The following CPEB3 variants were observed in gnomAD, a reference collection of about 807,000 sequenced individuals.
The protein encoded by CPEB3 is cytoplasmic polyadenylation element-binding protein 3.
CPEB3 carries 20 observed loss-of-function variants against 67.2 expected under a neutral mutation model. The ratio of observed to expected loss-of-function variants is 0.30; its 90% CI spans 0.21 to 0.43. The LOEUF is 0.43. Ranked by LOEUF, CPEB3 falls within the 20% of genes least tolerant of loss-of-function variation. The pLI, the probability that CPEB3 is intolerant of heterozygous loss-of-function variation, is 1.00. For synonymous variants in CPEB3, 376 were observed against 393.1 expected, an observed-to-expected ratio of 0.96 and a Z score of 0.51; for missense variants, 746 against 968.6, an observed-to-expected ratio of 0.77 and a Z score of 3.05.
chr10:92,240,416 T>G, intron 1 of CPEB3, 55 bp from the exon 2 acceptor site: 1 of 1,390,604 alleles, frequency 7.2e-7, no homozygotes, highest in Non-Finnish European at 9.4e-7. Context: ...TGAATGTCCC[T>G]CGCTGAAGCG....
At position 92,289,718 on chromosome 10, in the gene CPEB3, C is replaced by CAAAAAA. The variant is rs749285662; in HGVS notation, c.-12+1202_-12+1207dup. Reference sequence around the variant, plus strand: ...CAACATGGCGAGACCGCGTCTCTACCAAAAAAAAAAAAAAATATATATATA... The same window carrying CAAAAAA: ...CAACATGGCGAGACCGCGTCTCTACCAAAAAAAAAAAAAAAAAAAAATATATATATA... On this transcript the variant is annotated intron_variant, in intron 1 of 9. Transcript: ENST00000265997. Among the ~76,000 whole-genome samples the CAAAAAA allele has an allele frequency of 9.4e-4, 29 of 30,944 alleles. 2 individuals are homozygous for CAAAAAA. The highest frequency in any genetic ancestry group is 5.2e-3 in the African/African-American group (13 of 2,494). 20.3% of individuals were successfully genotyped at this position (30,944 alleles called of 152,430 possible).
intron 2 of CPEB3, among the ~76,000 whole-genome samples, chr10:92,221,855 G>C (rs1377290567): frequency 6.6e-6 from 1 of 151,976 alleles, no homozygotes; most frequent in African/African-American, 2.4e-5. Context: ...TTGATTGAAG[G>C]GTGTGTGTTT....
intron 2 of CPEB3, among the ~76,000 whole-genome samples, chr10:92,228,591 T>C (rs1851100471): frequency 1.3e-5 from 2 of 152,114 alleles, no homozygotes; most frequent in African/African-American, 4.8e-5. Context: ...CCCTACCGCA[T>C]CTTTAAGGTA....
At chr10:92,259,741 T>G (rs539675620) in intron 1 of CPEB3, among the ~76,000 whole-genome samples, 1 of 152,220 alleles carries the variant, frequency 6.6e-6, no homozygotes, top group South Asian at 2.1e-4. Context: ...CTGCAACTTA[T>G]CTTTTTTTCT....
At chr10:92,287,431 G>C (rs1178625250) in intron 1 of CPEB3, among the ~76,000 whole-genome samples, 1 of 152,144 alleles carries the variant, frequency 6.6e-6, no homozygotes, top group African/African-American at 2.4e-5. Flanking sequence ...ATTGGAAAAT[G>C]TAAGACCACA....
chr10:92,280,160 T>C (rs1044444173), intron 1 of CPEB3, among the ~76,000 whole-genome samples: 9 of 151,380 alleles, frequency 5.9e-5, no homozygotes, highest in Non-Finnish European at 1.0e-4. Context: ...CTGGCCAACA[T>C]GATGAAACCC....
chr10:92,085,994 C>G (rs1294502747), intron 8 of CPEB3, among the ~76,000 whole-genome samples: 1 of 152,082 alleles, frequency 6.6e-6, no homozygotes, highest in African/African-American at 2.4e-5. Context: ...CATGGGTTCA[C>G]CTTAGGGCCC....
chr10:92,216,917 T>G, intron 2 of CPEB3: 1 of 807,120 alleles, frequency 1.2e-6, no homozygotes, highest in Non-Finnish European at 2.1e-6. Context: ...CACGCCTTCT[T>G]ACCAGGCAGC....
chr10:92,258,283 A>G (rs549606050), intron 1 of CPEB3, among the ~76,000 whole-genome samples: 9 of 150,872 alleles, frequency 6.0e-5, no homozygotes, highest in African/African-American at 2.2e-4. Context: ...TATTTTTAGT[A>G]GAGACAGGAT....
rs1225484295 is a variant in CPEB3 at position 92,239,733 on chromosome 10, G to C, written c.618C>G (p.Ala206=). The change falls in exon 2 of 10, where the codon GCC becomes GCG. Residue 206 remains alanine, a synonymous_variant. Transcript: ENST00000265997. The surrounding 1 kb of genome is among the most constrained non-coding windows in gnomAD (Gnocchi z 6.0). ...TGGGCTGGTGGCCGTACGCCGCGGC[G>C]GCGCTCCTCTGCGCGTAGGGCGCCT... ...PSQAPYAQRS[A]AAAYGHQPIM... The C allele has an allele frequency of 1.1e-5, 17 of 1,522,622 alleles. No individual in the cohort carries two copies. The Admixed American group carries it at 3.5e-4, about 31-fold the overall frequency. 94.3% of individuals were successfully genotyped at this position (1,522,622 alleles called of 1,614,324 possible).
At chr10:92,227,062 C>T (rs1308798083) in intron 2 of CPEB3, among the ~76,000 whole-genome samples, 1 of 152,130 alleles carries the variant, frequency 6.6e-6, no homozygotes, top group Non-Finnish European at 1.5e-5. Flanking sequence ...GGCACTTTGT[C>T]CTATTTTTAT....
intron 4 of CPEB3, among the ~76,000 whole-genome samples, chr10:92,175,353 G>A (rs1158739096): frequency 6.6e-6 from 1 of 151,784 alleles, no homozygotes; most frequent in Non-Finnish European, 1.5e-5. Context: ...GTATTCCATT[G>A]TATGGATGTA....
chr10:92,141,741 G>A (rs1330911663), intron 6 of CPEB3, among the ~76,000 whole-genome samples: 31 of 150,428 alleles, frequency 2.1e-4, no homozygotes, highest in Middle Eastern at 3.5e-3. Context: ...AAAAAAGGCC[G>A]GGCATGGTGG....
At chr10:92,183,808 AG>A (rs1380111340) in intron 3 of CPEB3, among the ~76,000 whole-genome samples, 2 of 152,216 alleles carry the variant, frequency 1.3e-5, no homozygotes, top group Admixed American at 6.5e-5. Context: ...ATAATAATAA[AG>A]GGTTATCAAG....
At chr10:92,116,079 A>G (rs1016891203) in intron 6 of CPEB3, among the ~76,000 whole-genome samples, 6 of 151,096 alleles carry the variant, frequency 4.0e-5, no homozygotes, top group African/African-American at 7.3e-5. Flanking sequence ...AACTTAGGAG[A>G]GTAGGAGTAG....
Position 92,232,757 on chromosome 10 carries a change from C to CAA in CPEB3, c.1005+6587_1005+6588dup, listed in dbSNP as rs370945253. Among the ~76,000 whole-genome samples the CAA allele has an allele frequency of 3.5e-3, 423 of 122,050 alleles. 2 individuals carry two copies. The highest frequency in any genetic ancestry group is 0.011 in the African/African-American group (374 of 32,550). 80.1% of individuals were successfully genotyped at this position (122,050 alleles called of 152,430 possible). On this transcript the variant is annotated intron_variant, in intron 2 of 9. Coordinates refer to ENST00000265997, the MANE Select transcript of CPEB3 (RefSeq NM_014912.5). ...TGGGTGACAGTGGGAAACTCCATCT[C>CAA]AAAAAAAAAAAAAAAATACATCAAA...
At chr10:92,214,315 G>A (rs2134368607) in intron 2 of CPEB3, among the ~76,000 whole-genome samples, 1 of 152,178 alleles carries the variant, frequency 6.6e-6, no homozygotes, top group Non-Finnish European at 1.5e-5. Context: ...GCACCAACAA[G>A]GCACTATCTT....
chr10:92,060,385 TAAATC>T (rs1304193620), intron 9 of CPEB3, among the ~76,000 whole-genome samples: 1 of 152,042 alleles, frequency 6.6e-6, no homozygotes, highest in Non-Finnish European at 1.5e-5. Context: ...ATTAAAATCT[TAAATC>T]TAAGACCTCA....
chr10:92,221,161 C>T (rs1389759409), intron 2 of CPEB3, among the ~76,000 whole-genome samples: 1 of 152,210 alleles, frequency 6.6e-6, no homozygotes, highest in Non-Finnish European at 1.5e-5. Context: ...TGAGTTATAA[C>T]TCCTGTACCA....
Sources: gnomAD v4.1 joint callset for allele counts (sites outside exome capture counted in the v4.1 genomes callset) on GRCh38, gnomAD v4.1.1 for gene constraint, Gnocchi (gnomAD v3.1) non-coding constraint, MANE v1.5 for transcripts, NCBI Gene and HGNC (gene_info 2026-07-23, HGNC 2026-07-21) for gene names.